GLUL: variants seen among roughly 807,000 people sequenced by gnomAD.
GLUL encodes glutamine synthetase.
A neutral mutation model predicts 36.9 loss-of-function variants in GLUL; 8 were observed. The observed-to-expected ratio is 0.22, with a 90% CI of 0.13 to 0.39. The LOEUF is 0.39. Ranked by LOEUF, GLUL falls within the 10% of genes least tolerant of loss-of-function variation. GLUL has a pLI of 1.00. For missense variants in GLUL, 315 were observed against 501.8 expected (o/e 0.63, Z 3.56); for synonymous variants, 182 against 172.8 (o/e 1.05, Z -0.42).
Position 182,380,216 on chromosome 1 carries a change from A to G in GLUL, c.*4189T>C, listed in dbSNP as rs952104382. 1.3e-5 allele frequency among the ~76,000 whole-genome samples: 2 copies of G among 152,270 alleles called. No homozygotes were observed. Among genetic ancestry groups the G allele is most frequent in the African/African-American group, 4.8e-5 (2 of 41,548 alleles). On this transcript the variant is annotated 3_prime_UTR_variant, in exon 7 of 7. Transcript: ENST00000331872. ...ACAATGAGAATTAATTAAGTACACTATTTTCCACAGTACACTCCCACGAAG... is the reference window on the plus strand; with the variant it reads ...ACAATGAGAATTAATTAAGTACACTGTTTTCCACAGTACACTCCCACGAAG...
intron 1 of GLUL, 106 bp from the exon 2 acceptor site, chr1:182,388,856 C>T (rs912203502): frequency 4.8e-6 from 4 of 835,804 alleles, no homozygotes; most frequent in Non-Finnish European, 8.3e-6. Context: ...GTGTAAGTGC[C>T]AACTCCTTCC....
intron 1 of GLUL, 133 bp downstream of exon 1, chr1:182,391,546 G>A (rs1357096479): frequency 3.9e-6 from 1 of 258,368 alleles, no homozygotes; most frequent in East Asian, 6.9e-5. Context: ...TCAGGCATGG[G>A]CCGGAGAGGC....
chr1:182,384,977 C>T (rs1182361365), intron 6 of GLUL: 1 of 493,930 alleles, frequency 2.0e-6, no homozygotes, highest in Non-Finnish European at 3.6e-6. Flanking sequence ...TGTATTGTTA[C>T]TAATTTAGTT....
chr1:182,386,593 T>C (rs1650193593), intron 3 of GLUL, 191 bp from the exon 4 acceptor site: 1 of 650,480 alleles, frequency 1.5e-6, no homozygotes, highest in Non-Finnish European at 2.8e-6. Context: ...TGTACATCTG[T>C]AGGAAGACTC....
chr1:182,379,105 A>G lies in GLUL; in HGVS notation c.*5300T>C, dbSNP rs1649832152. On this transcript the variant is annotated 3_prime_UTR_variant, in exon 7 of 7. Coordinates refer to ENST00000331872, the MANE Select transcript of GLUL (RefSeq NM_001033044.4). ...CCTGAAGTAGAATTTTTTTAAATGA[A>G]CGGTCGGAGATCGAGCTAAAGGCTA... 6.6e-6 allele frequency among the ~76,000 whole-genome samples: 1 copy of G among 152,062 alleles called. No homozygotes were observed. The highest frequency in any genetic ancestry group is 1.5e-5 in the Non-Finnish European group (1 of 67,990).
chr1:182,390,522 C>A, intron 1 of GLUL: 1 of 399,182 alleles, frequency 2.5e-6, no homozygotes, highest in Admixed American at 4.4e-5. Context: ...TCAAGCGTAT[C>A]GTTAGGGTTG....
In GLUL at chr1:182,380,451, C is replaced by T. The variant is rs756378426; in HGVS notation, c.*3954G>A. 2.0e-5 allele frequency among the ~76,000 whole-genome samples: 3 copies of T among 151,892 alleles called. No homozygotes were observed. Among genetic ancestry groups the T allele is most frequent in the Admixed American group, 2.0e-4 (3 of 15,238 alleles). The stretch of plus-strand genomic sequence containing the variant: ...GCCTCCTGATAGCTGAGACTACAGG[C>T]GTGCAATTTAAAAAAAAATTATTTT... On this transcript the variant is annotated 3_prime_UTR_variant, in exon 7 of 7. Coordinates refer to ENST00000331872, the MANE Select transcript of GLUL (RefSeq NM_001033044.4).
chr1:182,388,516 C>T (rs781196963), intron 2 of GLUL, 56 bp downstream of exon 2: 61 of 1,471,118 alleles, frequency 4.1e-5, no homozygotes, highest in Non-Finnish European at 5.4e-5. Flanking sequence ...AAGGCTGCTG[C>T]CCACCCCTCT....
intron 3 of GLUL, 29 bp downstream of exon 3, chr1:182,387,102 G>T: frequency 3.2e-6 from 5 of 1,565,748 alleles, no homozygotes; most frequent in Non-Finnish European, 4.4e-6. Flanking sequence ...AGATTGAGGA[G>T]GGGTATCCAT....
rs1042148825 is a variant in GLUL, at chr1:182,380,373, T to C, written c.*4032A>G. On this transcript the variant is annotated 3_prime_UTR_variant, in exon 7 of 7. Transcript: ENST00000331872. ...CCCAGGCTGGAGTGCAGTGGTGCAATCACAATTCACTGCAGCTTCAATTTC... is the reference window on the plus strand; with the variant it reads ...CCCAGGCTGGAGTGCAGTGGTGCAACCACAATTCACTGCAGCTTCAATTTC... Among the ~76,000 whole-genome samples, 4 of 152,194 alleles carry C rather than the reference T, an allele frequency of 2.6e-5. No homozygotes were observed. Among genetic ancestry groups the C allele is most frequent in the Admixed American group, 2.6e-4 (4 of 15,270 alleles).
At chr1:182,387,475 C>G (rs60335519) in intron 2 of GLUL, among the ~76,000 whole-genome samples, 183 bp from the exon 3 acceptor site, 1 of 152,132 alleles carries the variant, frequency 6.6e-6, no homozygotes, top group African/African-American at 2.4e-5. Flanking sequence ...TATAGCCCTT[C>G]CTATTTGAGT....
chr1:182,384,549 G>T lies in GLUL; in HGVS notation c.978C>A (p.Pro326=). 27 of 1,614,208 alleles carry T rather than the reference G, an allele frequency of 1.7e-5. No homozygotes were observed. Among genetic ancestry groups the T allele is most frequent in the Non-Finnish European group, 2.2e-5 (26 of 1,180,034 alleles). ...VANRSASIRI[P]RTVGQEKKGY... ...CCTTCTTCTCCTGGCCAACAGTCCG[G>T]GGAATGCGTATGCTGGCGCTACGAT... is the stretch of plus-strand genomic sequence containing the variant. The change falls in exon 7 of 7, where the codon CCC becomes CCA. Residue 326 remains proline (P), a synonymous_variant. Coordinates refer to ENST00000331872, the MANE Select transcript of GLUL (RefSeq NM_001033044.4).
At position 182,385,557 on chromosome 1, in the gene GLUL, C is replaced by A; in HGVS notation, c.604-1G>T. ...CACAAGGTCCAATCTGAAATTCCCACTAGAAACGAGAAGCTTGGCCATTAA... is the reference window on the plus strand; with the variant it reads ...CACAAGGTCCAATCTGAAATTCCCAATAGAAACGAGAAGCTTGGCCATTAA... On this transcript the variant is annotated splice_acceptor_variant, in intron 5 of 6. Transcript: ENST00000331872. LOFTEE classifies it high-confidence loss of function. The A allele has an allele frequency of 6.2e-7, 1 of 1,613,840 alleles. No individual in the cohort carries two copies. The highest frequency in any genetic ancestry group is 8.5e-7 in the Non-Finnish European group (1 of 1,179,732).
chr1:182,387,146 T>C lies in GLUL; in HGVS notation c.313A>G (p.Asn105Asp), dbSNP rs1650217988. ...KLVLCEVFKYNRRPAETNLRH... is the reference protein window; with the variant it reads ...KLVLCEVFKYDRRPAETNLRH... ...TATAACACACCTGCAGGCCTTCGAT[T>C]GTACTTGAAAACTTCACATAACACC... The change falls in exon 3 of 7, where the codon AAT (asparagine) becomes GAT (aspartate). Residue 105 changes from asparagine (N) to aspartate (D), a missense_variant. Asn to Asp is a conservative substitution (Grantham distance 23). Coordinates refer to ENST00000331872, the MANE Select transcript of GLUL (RefSeq NM_001033044.4). The C allele has an allele frequency of 3.7e-6, 6 of 1,613,846 alleles. No individual in the cohort carries two copies. Among genetic ancestry groups the C allele is most frequent in the East Asian group, 2.2e-5 (1 of 44,874 alleles).
Position 182,384,183 on chromosome 1 carries a change from T to C in GLUL, c.*222A>G, listed in dbSNP as rs980741851. 1.3e-5 allele frequency: 7 copies of C among 544,132 alleles called. No homozygotes were observed. Among genetic ancestry groups the C allele is most frequent in the Non-Finnish European group, 2.3e-5 (7 of 303,718 alleles). 33.7% of individuals were successfully genotyped at this position (544,132 alleles called of 1,614,324 possible). A position where few individuals can be genotyped will look rare whatever the true frequency, so the allele number is the denominator to read the frequency against. On this transcript the variant is annotated 3_prime_UTR_variant, in exon 7 of 7. Coordinates refer to ENST00000331872, the MANE Select transcript of GLUL (RefSeq NM_001033044.4). ...CTCCCCACTAATGCACTAAAAAGCT[T>C]CAGTGATAGGGAAAAAAAGGAGGGT...
At chr1:182,386,610 A>T in intron 3 of GLUL, 1 of 614,712 alleles carries the variant, frequency 1.6e-6, no homozygotes, top group Middle Eastern at 2.8e-4. Flanking sequence ...ACTCTGAAAG[A>T]CTTCAGTTTT....
rs1649820355 is a variant in GLUL, at chr1:182,378,734, T to G, written c.*5671A>C. Among the ~76,000 whole-genome samples, 1 of 152,248 alleles carries G rather than the reference T, an allele frequency of 6.6e-6. No individual in the cohort carries two copies. Among genetic ancestry groups the G allele is most frequent in the Non-Finnish European group, 1.5e-5 (1 of 68,044 alleles). On this transcript the variant is annotated 3_prime_UTR_variant, in exon 7 of 7. Coordinates refer to ENST00000331872, the MANE Select transcript of GLUL (RefSeq NM_001033044.4). Reference sequence around the variant, plus strand: ...CTCACAAATATGGTATACATTTATATTATGCATGTGTATGGACATATATCT... The same window carrying G: ...CTCACAAATATGGTATACATTTATAGTATGCATGTGTATGGACATATATCT...
At chr1:182,384,823 T>C (rs1650101793) in intron 6 of GLUL, 100 bp from the exon 7 acceptor site, 1 of 858,726 alleles carries the variant, frequency 1.2e-6, no homozygotes, top group Non-Finnish European at 2.0e-6. Context: ...AAATACTTCA[T>C]GAGGGCAGTG....
Position 182,388,688 on chromosome 1 carries a change from T to C in GLUL, c.50A>G (p.Tyr17Cys), listed in dbSNP as rs1391914530. The change falls in exon 2 of 7, where the codon TAC becomes TGC. Residue 17 changes from tyrosine to cysteine, a missense_variant. Tyr to Cys is a radical substitution (Grantham distance 194, BLOSUM62 -2). Around this residue, in one of 3 missense-constraint regions of GLUL, gnomAD observed 256 missense variants for 396.1 expected, o/e 0.65. Transcript: ENST00000331872. Reference sequence around the variant, plus strand: ...TTTCTCACCCTGAGGCAGGGACATGTACACCTGCTTGATGCCTTTATTTAA... The same window carrying C: ...TTTCTCACCCTGAGGCAGGGACATGCACACCTGCTTGATGCCTTTATTTAA... The part of the protein sequence containing the change: ...SHLNKGIKQV[Y>C]MSLPQGEKVQ... 1 of 1,613,874 alleles carries C rather than the reference T, an allele frequency of 6.2e-7. No individual in the cohort carries two copies. The highest frequency in any genetic ancestry group is 1.3e-5 in the African/African-American group (1 of 75,042).
Sources: gnomAD v4.1 joint callset for allele counts (sites outside exome capture counted in the v4.1 genomes callset) on GRCh38, gnomAD v4.1.1 for gene constraint, gnomAD v4.1.1 regional missense constraint, MANE v1.5 for transcripts, NCBI Gene and HGNC (gene_info 2026-07-23, HGNC 2026-07-21) for gene names.